Variants in NPLOC4 observed in about 807,000 individuals in gnomAD.
NPLOC4 encodes the protein nuclear protein localization protein 4 homolog.
A neutral mutation model predicts 80.6 loss-of-function variants in NPLOC4; 18 were observed. The ratio of observed to expected loss-of-function variants is 0.22; its 90% CI spans 0.15 to 0.33. NPLOC4 has a LOEUF of 0.33. Ranked by LOEUF, NPLOC4 falls within the 10% of genes least tolerant of loss-of-function variation. The pLI is 1.00. For synonymous variants in NPLOC4, 313 were observed against 301.5 expected (o/e 1.04, Z -0.39); for missense variants, 540 against 786.1 (o/e 0.69, Z 3.74).
Position 81,577,917 on chromosome 17 carries a change from A to T in NPLOC4, c.1282-5829T>A, listed in dbSNP as rs1282959754. On this transcript the variant is annotated intron_variant, in intron 12 of 16. Transcript: ENST00000331134. The surrounding 1 kb of genome is among the most constrained non-coding windows in gnomAD (Gnocchi z 4.3). The stretch of plus-strand genomic sequence containing the variant: ...CCACCAGCTTCTCACTGGGCTCCCC[A>T]ACTCCAAACCGTTCCCCACACTGCA... Among the ~76,000 whole-genome samples the T allele has an allele frequency of 6.6e-6, 1 of 152,124 alleles. No homozygotes were observed. Among genetic ancestry groups the T allele is most frequent in the Non-Finnish European group, 1.5e-5 (1 of 68,028 alleles).
chr17:81,636,705 G>T (rs78593750), intron 1 of NPLOC4, among the ~76,000 whole-genome samples: 7,202 of 152,180 alleles, frequency 0.047, 297 homozygotes, highest in East Asian at 0.22. Context: ...AACCGGGGTC[G>T]TAAGTCCCCT....
intron 12 of NPLOC4, among the ~76,000 whole-genome samples, chr17:81,575,186 G>A (rs946904177): frequency 1.3e-5 from 2 of 152,046 alleles, no homozygotes; most frequent in Admixed American, 6.5e-5. Flanking sequence ...TGCAAGCTCC[G>A]CCTCCCGGGT....
intron 9 of NPLOC4, among the ~76,000 whole-genome samples, chr17:81,600,011 G>C (rs974355186): frequency 2.0e-5 from 3 of 152,168 alleles, no homozygotes; most frequent in African/African-American, 7.2e-5. Context: ...GCCAGCAGGG[G>C]TGCGGCTGGG....
intron 12 of NPLOC4, among the ~76,000 whole-genome samples, chr17:81,583,432 T>C (rs555037879): frequency 2.0e-5 from 3 of 151,974 alleles, no homozygotes; most frequent in African/African-American, 7.2e-5. Context: ...ATGCAAAGAG[T>C]AGTTATCATT....
At chr17:81,560,834 C>T (rs1437688996) in intron 16 of NPLOC4, 3 of 152,322 alleles carry the variant, frequency 2.0e-5, no homozygotes, top group South Asian at 2.1e-4. Flanking sequence ...TCGCAAGGTA[C>T]GAGAGTCCCA....
At chr17:81,600,313 C>A in intron 9 of NPLOC4, 28 bp downstream of exon 9, 1 of 1,567,384 alleles carries the variant, frequency 6.4e-7, no homozygotes, top group Non-Finnish European at 8.7e-7. Flanking sequence ...GGCCACGCCC[C>A]CTGCTTGGCT....
At chr17:81,626,406 G>A (rs2035797369) in intron 2 of NPLOC4, among the ~76,000 whole-genome samples, 1 of 151,824 alleles carries the variant, frequency 6.6e-6, no homozygotes. Context: ...ACATCAAATA[G>A]CAACTCCAGG....
chr17:81,617,110 C>T (rs2035514590), intron 3 of NPLOC4, among the ~76,000 whole-genome samples: 1 of 152,162 alleles, frequency 6.6e-6, no homozygotes. Flanking sequence ...CCCCATGTCT[C>T]ACAGCCCGGA....
At chr17:81,624,334 C>G (rs1173210656) in intron 2 of NPLOC4, among the ~76,000 whole-genome samples, 1 of 152,160 alleles carries the variant, frequency 6.6e-6, no homozygotes, top group African/African-American at 2.4e-5. Context: ...AAGAGAATTG[C>G]TTGAAACCAG....
chr17:81,635,849 C>G (rs2036053442), intron 1 of NPLOC4, among the ~76,000 whole-genome samples: 1 of 152,194 alleles, frequency 6.6e-6, no homozygotes, highest in South Asian at 2.1e-4. Context: ...ATGCTCCTGT[C>G]CAATGGTCAG....
chr17:81,612,636 G>C (rs1375220221), intron 4 of NPLOC4: 1 of 152,188 alleles, frequency 6.6e-6, no homozygotes, highest in African/African-American at 2.4e-5. Context: ...CCCCACTGCA[G>C]AGACAACCTT....
chr17:81,616,320 C>CAAAA (rs56118520), intron 3 of NPLOC4, among the ~76,000 whole-genome samples: 3 of 38,452 alleles, frequency 7.8e-5, no homozygotes, highest in African/African-American at 2.0e-4. Flanking sequence ...GACTCTGTCT[C>CAAAA]AAAAAAAAAA....
chr17:81,605,621 C>T (rs1230785539), intron 7 of NPLOC4, among the ~76,000 whole-genome samples: 1 of 150,126 alleles, frequency 6.7e-6, no homozygotes, highest in Non-Finnish European at 1.5e-5. Context: ...GCAATTCAGC[C>T]TGGGCTACGG....
At chr17:81,584,222 T>C (rs546728439) in intron 12 of NPLOC4, among the ~76,000 whole-genome samples, 2 of 152,204 alleles carry the variant, frequency 1.3e-5, no homozygotes, top group African/African-American at 2.4e-5. Context: ...CCAACTGATA[T>C]TTTCCTGAAA....
intron 12 of NPLOC4, among the ~76,000 whole-genome samples, chr17:81,585,737 A>G (rs190809559): frequency 7.3e-5 from 11 of 151,572 alleles, no homozygotes; most frequent in African/African-American, 2.7e-4. Context: ...CTATAATCCC[A>G]GCACTGTGGG....
intron 1 of NPLOC4, among the ~76,000 whole-genome samples, chr17:81,633,630 T>TA (rs1298552275): frequency 6.6e-6 from 1 of 152,222 alleles, no homozygotes; most frequent in Admixed American, 6.5e-5. Flanking sequence ...TAAGTTTCCC[T>TA]ATTTATAAGA....
chr17:81,604,823 A>G (rs2144217162), intron 7 of NPLOC4, 96 bp from the exon 8 acceptor site: 2 of 1,183,426 alleles, frequency 1.7e-6, no homozygotes, highest in East Asian at 5.1e-5. Flanking sequence ...TCTTTTACCT[A>G]GTTCTTTAAA....
intron 4 of NPLOC4, among the ~76,000 whole-genome samples, chr17:81,611,784 C>A (rs2035346060): frequency 6.6e-6 from 1 of 151,494 alleles, no homozygotes; most frequent in Non-Finnish European, 1.5e-5. Context: ...ACGGTGAAAC[C>A]CCGTCTTTAC....
At chr17:81,586,695 G>C (rs1230655664) in intron 12 of NPLOC4, among the ~76,000 whole-genome samples, 1 of 151,804 alleles carries the variant, frequency 6.6e-6, no homozygotes, top group Admixed American at 6.6e-5. Context: ...AGGAAAACAA[G>C]AAACTTCTGG....
Sources: allele counts gnomAD v4.1 joint callset (sites outside exome capture counted in the v4.1 genomes callset), GRCh38; gene constraint gnomAD v4.1.1; non-coding constraint Gnocchi (gnomAD v3.1); transcripts MANE v1.5; gene names NCBI Gene and HGNC (gene_info 2026-07-23, HGNC 2026-07-21).